The following DPYD variants were observed in gnomAD, a reference collection of about 807,000 sequenced individuals.
DPYD encodes the protein dihydropyrimidine dehydrogenase, also known as dihydropyrimidine dehydrogenase [NADP(+)].
A neutral mutation model predicts 116.2 loss-of-function variants in DPYD; 109 were observed. The ratio of observed to expected loss-of-function variants is 0.94; its 90% CI spans 0.80 to 1.10. DPYD has a LOEUF of 1.10. Among genes scored for constraint, DPYD ranks in the 50% least tolerant of loss-of-function variants. The pLI is 0.00. For synonymous variants in DPYD, 440 were observed against 432.0 expected (o/e 1.02, Z -0.23); for missense variants, 1,302 against 1,254.5 (o/e 1.04, Z -0.57).
chr1:97,284,712 C>T (rs1381240229), intron 18 of DPYD, among the ~76,000 whole-genome samples: 1 of 152,058 alleles, frequency 6.6e-6, no homozygotes, highest in African/African-American at 2.4e-5. Context: ...TTTGGGTTGT[C>T]TCATTGTCAC....
At chr1:97,100,115 TGGAG>T (rs1650557482) in intron 20 of DPYD, among the ~76,000 whole-genome samples, 1 of 152,062 alleles carries the variant, frequency 6.6e-6, no homozygotes, top group Non-Finnish European at 1.5e-5. Flanking sequence ...AATGATAGGA[TGGAG>T]GGAGATAGTA....
chr1:97,219,151 G>C (rs985945289), intron 19 of DPYD, among the ~76,000 whole-genome samples: 6 of 152,128 alleles, frequency 3.9e-5, no homozygotes, highest in Admixed American at 3.9e-4. Context: ...ATGAAGAAAA[G>C]TTATAAAGAA....
intron 18 of DPYD, among the ~76,000 whole-genome samples, chr1:97,257,634 A>T (rs969353597): frequency 2.0e-5 from 3 of 151,874 alleles, no homozygotes; most frequent in African/African-American, 7.3e-5. Context: ...AATTTAAAAA[A>T]AGTTTCATAC....
intron 18 of DPYD, among the ~76,000 whole-genome samples, chr1:97,262,629 C>T (rs1663961724): frequency 6.6e-6 from 1 of 151,934 alleles, no homozygotes; most frequent in Non-Finnish European, 1.5e-5. Context: ...TGAACGAAGC[C>T]TCTACAGAAT....
At chr1:97,772,163 A>G (rs998404932) in intron 3 of DPYD, among the ~76,000 whole-genome samples, 4 of 152,114 alleles carry the variant, frequency 2.6e-5, no homozygotes, top group Admixed American at 2.6e-4. Context: ...AGGGAATACA[A>G]GGAAAATGGA....
chr1:97,882,465 T>C (rs1672276805), intron 2 of DPYD, among the ~76,000 whole-genome samples: 1 of 152,050 alleles, frequency 6.6e-6, no homozygotes, highest in African/African-American at 2.4e-5. Context: ...TAAGAAAGTA[T>C]ATACACGGTT....
At chr1:97,469,396 GCAAAAAA>G (rs1353616662) in intron 13 of DPYD, among the ~76,000 whole-genome samples, 50 of 8,498 alleles carry the variant, frequency 5.9e-3, no homozygotes, top group South Asian at 0.023. Flanking sequence ...AGCTAAAATT[GCAAAAAA>G]AAAAAAAAAA....
At chr1:97,228,450 A>T (rs1661340524) in intron 19 of DPYD, among the ~76,000 whole-genome samples, 1 of 152,166 alleles carries the variant, frequency 6.6e-6, no homozygotes. Flanking sequence ...TTAGCAGTGA[A>T]CTCACTTAAT....
intron 20 of DPYD, among the ~76,000 whole-genome samples, chr1:97,113,468 G>T (rs964321060): frequency 1.3e-5 from 2 of 152,076 alleles, no homozygotes; most frequent in African/African-American, 2.4e-5. Flanking sequence ...AGTTTGGGGG[G>T]ATTATGTGTG....
At chr1:97,292,720 GAGCACACA>G (rs1425924486) in intron 18 of DPYD, among the ~76,000 whole-genome samples, 1 of 77,164 alleles carries the variant, frequency 1.3e-5, no homozygotes, top group Non-Finnish European at 2.9e-5. Context: ...GCACACGCGC[GAGCACACA>G]CACACACACA....
chr1:97,653,881 C>T (rs905738841), intron 8 of DPYD, among the ~76,000 whole-genome samples: 7 of 152,054 alleles, frequency 4.6e-5, no homozygotes, highest in East Asian at 1.9e-4. Context: ...GGTCCTTATA[C>T]GAAATAATAA....
chr1:97,329,122 G>A (rs984642088), intron 16 of DPYD, among the ~76,000 whole-genome samples: 2 of 152,052 alleles, frequency 1.3e-5, no homozygotes, highest in Non-Finnish European at 2.9e-5. Context: ...AAACAAGAAG[G>A]AAAAGAAGAA....
intron 3 of DPYD, among the ~76,000 whole-genome samples, chr1:97,814,819 G>A (rs1668496342): frequency 6.6e-6 from 1 of 150,548 alleles, no homozygotes; most frequent in African/African-American, 2.4e-5. Context: ...CATGAGAATT[G>A]CTTGAATCTG....
At chr1:97,289,146 G>A (rs1665948421) in intron 18 of DPYD, among the ~76,000 whole-genome samples, 1 of 152,134 alleles carries the variant, frequency 6.6e-6, no homozygotes, top group African/African-American at 2.4e-5. Flanking sequence ...AGAAGAAGCT[G>A]AATCTCTGAA....
intron 20 of DPYD, among the ~76,000 whole-genome samples, chr1:97,174,141 G>A (rs1657084159): frequency 6.6e-6 from 1 of 151,966 alleles, no homozygotes. Flanking sequence ...ATAAGGGTAG[G>A]TAGGACGTTA....
intron 20 of DPYD, among the ~76,000 whole-genome samples, chr1:97,154,759 G>C (rs1760210): frequency 0.18 from 26,785 of 151,062 alleles, 2,425 homozygotes; most frequent in East Asian, 0.29. Flanking sequence ...AGGGGTGAGA[G>C]GGGGGTGAGG....
At chr1:97,736,339 C>G (rs1056111310) in intron 4 of DPYD, among the ~76,000 whole-genome samples, 5 of 151,082 alleles carry the variant, frequency 3.3e-5, no homozygotes, top group African/African-American at 1.2e-4. Context: ...AGTGAAAAAA[C>G]TTTTCAAAAG....
chr1:97,209,135 G>A (rs1659872319), intron 19 of DPYD, among the ~76,000 whole-genome samples: 1 of 152,046 alleles, frequency 6.6e-6, no homozygotes, highest in South Asian at 2.1e-4. Context: ...GTTATGCTTT[G>A]AGAGTATAAA....
chr1:97,112,283 T>C (rs1275752006), intron 20 of DPYD, among the ~76,000 whole-genome samples: 1 of 152,180 alleles, frequency 6.6e-6, no homozygotes, highest in African/African-American at 2.4e-5. Flanking sequence ...GGATTAAGCA[T>C]GTTGTACGTG....
Sources: allele counts gnomAD v4.1 joint callset (sites outside exome capture counted in the v4.1 genomes callset), GRCh38; gene constraint gnomAD v4.1.1; transcripts MANE v1.5; gene names NCBI Gene and HGNC (gene_info 2026-07-23, HGNC 2026-07-21).